Variants in FMN1 observed in about 807,000 individuals in gnomAD.
FMN1 encodes the protein formin-1.
Under a neutral mutation model 132.4 loss-of-function variants are expected in FMN1, and 110 were observed. The observed-to-expected ratio is 0.83, with a 90% CI of 0.71 to 0.97. The LOEUF (loss-of-function observed/expected upper bound fraction) is 0.97. FMN1 is among the 50% of genes least tolerant of loss of function. FMN1 has a pLI of 0.00. For missense variants in FMN1, 1,792 were observed against 1,705.3 expected, an observed-to-expected ratio of 1.05 and a Z score of -0.90; for synonymous variants, 722 against 651.7, an observed-to-expected ratio of 1.11 and a Z score of -1.64.
intron 7 of FMN1, among the ~76,000 whole-genome samples, chr15:32,980,684 T>G (rs1394764582): frequency 6.6e-6 from 1 of 152,164 alleles, no homozygotes; most frequent in Non-Finnish European, 1.5e-5. Flanking sequence ...TCTAAAATGG[T>G]TTCATTGATT....
At chr15:32,990,988 T>C (rs1266463267) in intron 7 of FMN1, among the ~76,000 whole-genome samples, 2 of 152,094 alleles carry the variant, frequency 1.3e-5, no homozygotes, top group African/African-American at 4.8e-5. Flanking sequence ...AATTCGAGAT[T>C]TGGGCGGGGA....
chr15:32,930,059 G>A (rs1037020542), intron 9 of FMN1, among the ~76,000 whole-genome samples: 1 of 125,482 alleles, frequency 8.0e-6, no homozygotes, highest in African/African-American at 3.2e-5. Context: ...GCTTGATCTC[G>A]CCTCACTGCA....
At chr15:33,048,278 G>C (rs1349881588) in intron 6 of FMN1, among the ~76,000 whole-genome samples, 2 of 152,054 alleles carry the variant, frequency 1.3e-5, no homozygotes, top group African/African-American at 4.8e-5. Context: ...GGGACATGTG[G>C]AATTAGCCAT....
chr15:32,791,617 T>G (rs2057081320), intron 19 of FMN1, among the ~76,000 whole-genome samples: 2 of 152,078 alleles, frequency 1.3e-5, no homozygotes, highest in Non-Finnish European at 1.5e-5. Context: ...ATAATCCAAG[T>G]GAGAGATGAT....
chr15:32,971,351 T>C lies in FMN1; in HGVS notation c.2224-1874A>G, dbSNP rs200240025. Among the ~76,000 whole-genome samples, 13 of 152,302 alleles carry C rather than the reference T, an allele frequency of 8.5e-5. No individual in the cohort carries two copies. The East Asian group carries it at 2.3e-3, about 27-fold the overall frequency. ...CTTTGTAGAGGGACAGGCATAAACC[T>C]AGGAAAAGCTCAAAATCAGGATAAG... On this transcript the variant is annotated intron_variant, in intron 7 of 20. Coordinates refer to ENST00000616417, the MANE Select transcript of FMN1 (RefSeq NM_001277313.2).
intron 2 of FMN1, among the ~76,000 whole-genome samples, chr15:33,184,304 A>C (rs756107909): frequency 1.5e-4 from 23 of 152,182 alleles, no homozygotes; most frequent in Non-Finnish European, 2.1e-4. Flanking sequence ...AAACCAACAT[A>C]CATCATTTTT....
rs548069135 is a variant in FMN1 at position 33,104,081 on chromosome 15, C to T, written c.1868-15107G>A. 3.9e-5 allele frequency among the ~76,000 whole-genome samples: 6 copies of T among 152,166 alleles called. No homozygotes were observed. The South Asian group carries it at 1.2e-3, about 32-fold the overall frequency. ...GTACTAAGAATAAAATTGAGTTCATCATATATTTGTCAGCTGAAAAAAACT... is the reference window on the plus strand; with the variant it reads ...GTACTAAGAATAAAATTGAGTTCATTATATATTTGTCAGCTGAAAAAAACT... On this transcript the variant is annotated intron_variant, in intron 4 of 20. Transcript: ENST00000616417.
chr15:33,101,401 G>A (rs2039288899), intron 4 of FMN1, among the ~76,000 whole-genome samples: 1 of 151,520 alleles, frequency 6.6e-6, no homozygotes, highest in Non-Finnish European at 1.5e-5. Flanking sequence ...CACATTGGAA[G>A]AAAAATTGTC....
chr15:33,031,537 T>C (rs345874), intron 6 of FMN1, among the ~76,000 whole-genome samples: 58,039 of 152,028 alleles, frequency 0.38, 11,560 homozygotes, highest in Admixed American at 0.48. Context: ...CCATTAAACC[T>C]TTAGCAATAT....
Position 33,013,231 on chromosome 15 carries a change from A to G in FMN1, c.2162-5156T>C, listed in dbSNP as rs1428311511. ...TATACAATACTCCCGTGTATGGGCA[A>G]AAGAGTTAAGGACCATATTTGTGAT... On this transcript the variant is annotated intron_variant, in intron 6 of 20. Transcript: ENST00000616417. 2.0e-5 allele frequency among the ~76,000 whole-genome samples: 3 copies of G among 152,326 alleles called. No individual in the cohort carries two copies. The South Asian group carries it at 6.2e-4, about 32-fold the overall frequency.
rs1964595002 is a variant in FMN1, at chr15:33,154,585, G to C, written c.330C>G (p.Ile110Met). Residue 110 changes from isoleucine to methionine, a missense_variant, in exon 4 of 21, where the codon ATC becomes ATG. Physicochemically the swap from Ile to Met is conservative, Grantham distance 10. Coordinates refer to ENST00000616417, the MANE Select transcript of FMN1 (RefSeq NM_001277313.2). ...NLLSSDHILG[I>M]TMGNQEGKLQ... Reference sequence around the variant, plus strand: ...GCTTCCCCTCCTGGTTCCCCATCGTGATCCCCAGGATGTGGTCTGAGCTCA... The same window carrying C: ...GCTTCCCCTCCTGGTTCCCCATCGTCATCCCCAGGATGTGGTCTGAGCTCA... 1.3e-6 allele frequency: 2 copies of C among 1,536,138 alleles called. No individual in the cohort carries two copies. The highest frequency in any genetic ancestry group is 2.4e-5 in the South Asian group (2 of 84,052).
intron 4 of FMN1, among the ~76,000 whole-genome samples, chr15:33,147,011 A>G (rs1262880979): frequency 1.3e-5 from 2 of 152,000 alleles, no homozygotes. Flanking sequence ...CATCCCTACT[A>G]AAAATACAAA....
chr15:32,832,578 G>T (rs1567238641), intron 17 of FMN1, among the ~76,000 whole-genome samples: 1 of 152,258 alleles, frequency 6.6e-6, no homozygotes, highest in African/African-American at 2.4e-5. Flanking sequence ...AGGAGATCAA[G>T]ATCATCTTGG....
At position 32,883,785 on chromosome 15, in the gene FMN1, T is replaced by G. The variant is rs2059829311; in HGVS notation, c.3835+4387A>C. Among the ~76,000 whole-genome samples, 2 of 152,160 alleles carry G rather than the reference T, an allele frequency of 1.3e-5. 1 individual carries two copies. Among genetic ancestry groups the G allele is most frequent in the Admixed American group, 1.3e-4 (2 of 15,278 alleles). ...AGGGAAAAGAAAGCAAGCCAATGTT[T>G]CATGCTTTAAGTTAGGAAATGCTGT... On this transcript the variant is annotated intron_variant, in intron 16 of 20. Coordinates refer to ENST00000616417, the MANE Select transcript of FMN1 (RefSeq NM_001277313.2).
At chr15:32,982,855 T>C (rs1490564813) in intron 7 of FMN1, among the ~76,000 whole-genome samples, 1 of 152,124 alleles carries the variant, frequency 6.6e-6, no homozygotes, top group Non-Finnish European at 1.5e-5. Context: ...ATCTCAGGCC[T>C]CTAGACACAG....
chr15:32,957,377 T>C (rs1267364883), intron 9 of FMN1, among the ~76,000 whole-genome samples: 2 of 147,824 alleles, frequency 1.4e-5, no homozygotes, highest in East Asian at 2.0e-4. Context: ...TTCTGGCTCC[T>C]TGTCAAGGTG....
In FMN1 at chr15:32,959,843, C is replaced by A. The variant is rs12900473; in HGVS notation, c.3138+4264G>T. Among the ~76,000 whole-genome samples, 140 of 152,270 alleles carry A rather than the reference C, an allele frequency of 9.2e-4. 1 individual carries two copies. Among genetic ancestry groups the A allele is most frequent in the Non-Finnish European group, 4.9e-4 (33 of 68,022 alleles). ...GAGTAAACAACATGTTTTCAAGCAT[C>A]TGGAGAGAAACAAAAAGAGTAATAG... On this transcript the variant is annotated intron_variant, in intron 9 of 20. Coordinates refer to ENST00000616417, the MANE Select transcript of FMN1 (RefSeq NM_001277313.2).
intron 17 of FMN1, among the ~76,000 whole-genome samples, chr15:32,807,472 G>A (rs1049077838): frequency 9.9e-5 from 15 of 152,178 alleles, no homozygotes; most frequent in African/African-American, 3.6e-4. Context: ...TTCTTCTCCA[G>A]TGATTTTAAG....
In FMN1 at chr15:33,155,014, C is replaced by A. The variant is rs534044231; in HGVS notation, c.-100G>T. ...TGTGATGGTGGCTATGCAGAGAAAG[C>A]AGCTGACAGTCATCTCCAGCAATGA... On this transcript the variant is annotated 5_prime_UTR_variant, in exon 4 of 21. Coordinates refer to ENST00000616417, the MANE Select transcript of FMN1 (RefSeq NM_001277313.2). The A allele has an allele frequency of 6.5e-6, 6 of 925,704 alleles. No individual in the cohort carries two copies. In the East Asian group the frequency reaches 1.3e-4, roughly 20 times the overall value. 57.3% of individuals were successfully genotyped at this position (925,704 alleles called of 1,614,324 possible). A position where few individuals can be genotyped will look rare whatever the true frequency, so the allele number is the denominator to read the frequency against.
Sources: allele counts gnomAD v4.1 joint callset (sites outside exome capture counted in the v4.1 genomes callset), GRCh38; gene constraint gnomAD v4.1.1; transcripts MANE v1.5; gene names NCBI Gene and HGNC (gene_info 2026-07-23, HGNC 2026-07-21).